RBFOX1: variants seen among roughly 807,000 people sequenced by gnomAD.
The protein encoded by RBFOX1 is RNA binding protein fox-1 homolog 1.
RBFOX1 carries 8 observed loss-of-function variants against 57.7 expected under a neutral mutation model. The ratio of observed to expected loss-of-function variants is 0.14; its 90% CI spans 0.08 to 0.25. The LOEUF (loss-of-function observed/expected upper bound fraction) is 0.25. Ranked by LOEUF, RBFOX1 falls within the 10% of genes least tolerant of loss-of-function variation. The pLI is 1.00. For synonymous variants in RBFOX1, 326 were observed against 222.4 expected, an observed-to-expected ratio of 1.47 and a Z score of -4.15; for missense variants, 611 against 548.5, an observed-to-expected ratio of 1.11 and a Z score of -1.14.
At chr16:6,746,228 C>G (rs1189034382) in intron 3 of RBFOX1, among the ~76,000 whole-genome samples, 2 of 152,128 alleles carry the variant, frequency 1.3e-5, no homozygotes, top group East Asian at 3.9e-4. Flanking sequence ...AATCAAACCC[C>G]AGCAGGCCTT....
chr16:5,851,643 G>A lies in RBFOX1; in HGVS notation c.319-15660G>A, dbSNP rs538128759. On this transcript the variant is annotated intron_variant, in intron 3 of 19. Transcript: ENST00000641259. ...TGGGGAGAGCAGAGATGGCTATGGC[G>A]AAACATAAATTATGTCATCTCTGTG... Among the ~76,000 whole-genome samples, 25 of 152,294 alleles carry A rather than the reference G, an allele frequency of 1.6e-4. No homozygotes were observed. The South Asian group carries it at 4.6e-3, about 28-fold the overall frequency.
chr16:5,872,946 A>G (rs986999720), intron 4 of RBFOX1, among the ~76,000 whole-genome samples: 3 of 151,976 alleles, frequency 2.0e-5, no homozygotes, highest in African/African-American at 7.3e-5. Flanking sequence ...AGGTCAAGAG[A>G]TCCAGACCAT....
At chr16:6,155,175 G>C (rs988726203) in intron 1 of RBFOX1, among the ~76,000 whole-genome samples, 8 of 152,194 alleles carry the variant, frequency 5.3e-5, no homozygotes, top group African/African-American at 1.9e-4. Context: ...GTAGTCCGGA[G>C]TGAGTCCTTC....
At chr16:6,526,500 T>A (rs1376361698) in intron 2 of RBFOX1, among the ~76,000 whole-genome samples, 1 of 152,100 alleles carries the variant, frequency 6.6e-6, no homozygotes, top group Non-Finnish European at 1.5e-5. Context: ...TGAGGCTAGA[T>A]GCTTTATACA....
At chr16:6,453,176 A>G (rs779749533) in intron 2 of RBFOX1, among the ~76,000 whole-genome samples, 3 of 151,996 alleles carry the variant, frequency 2.0e-5, no homozygotes, top group Non-Finnish European at 2.9e-5. Flanking sequence ...AGTTCGTTAC[A>G]TAGGTATACA....
chr16:6,900,815 A>G (rs999924805), intron 3 of RBFOX1, among the ~76,000 whole-genome samples: 12 of 152,076 alleles, frequency 7.9e-5, no homozygotes, highest in Middle Eastern at 6.8e-3. Flanking sequence ...CTAATATTCC[A>G]CTTAACATGT....
intron 3 of RBFOX1, among the ~76,000 whole-genome samples, chr16:5,685,104 A>G (rs1026064149): frequency 1.3e-5 from 2 of 152,284 alleles, no homozygotes; most frequent in South Asian, 2.1e-4. Flanking sequence ...AAAAAAGGAG[A>G]AAAGAAGCAA....
At chr16:7,068,798 A>T (rs1038639289) in intron 4 of RBFOX1, among the ~76,000 whole-genome samples, 5 of 152,176 alleles carry the variant, frequency 3.3e-5, no homozygotes, top group African/African-American at 1.2e-4. Flanking sequence ...CATGTTGGCC[A>T]GGCTGGTCTC....
intron 1 of RBFOX1, among the ~76,000 whole-genome samples, chr16:6,289,686 C>G (rs1327612683): frequency 6.6e-6 from 1 of 151,992 alleles, no homozygotes; most frequent in Non-Finnish European, 1.5e-5. Context: ...ATGCATTGAG[C>G]AATAGGAATT....
At chr16:6,088,912 C>T (rs2096128393) in intron 1 of RBFOX1, among the ~76,000 whole-genome samples, 1 of 151,918 alleles carries the variant, frequency 6.6e-6, no homozygotes, top group African/African-American at 2.4e-5. Flanking sequence ...CTCGCTAACA[C>T]AGTGAAATCC....
At chr16:5,471,031 T>A (rs1340317920) in intron 2 of RBFOX1, among the ~76,000 whole-genome samples, 1 of 152,040 alleles carries the variant, frequency 6.6e-6, no homozygotes, top group Non-Finnish European at 1.5e-5. Context: ...TTTTGTATTT[T>A]TAGTAGAGAC....
intron 3 of RBFOX1, among the ~76,000 whole-genome samples, chr16:5,864,955 A>T (rs1265721914): frequency 6.6e-6 from 1 of 152,224 alleles, no homozygotes; most frequent in Non-Finnish European, 1.5e-5. Context: ...GATCAATGCC[A>T]CAATGGACAG....
intron 2 of RBFOX1, among the ~76,000 whole-genome samples, chr16:6,470,263 T>G (rs2095143856): frequency 6.6e-6 from 1 of 152,182 alleles, no homozygotes; most frequent in East Asian, 1.9e-4. Context: ...CAAGTAACAT[T>G]TGATCCAGGC....
intron 3 of RBFOX1, among the ~76,000 whole-genome samples, chr16:6,892,589 GA>G (rs2065726753): frequency 6.6e-6 from 1 of 152,116 alleles, no homozygotes; most frequent in African/African-American, 2.4e-5. Context: ...AGGATCACTT[GA>G]ACCTGGGAAA....
chr16:5,578,109 A>C (rs1315183750), intron 2 of RBFOX1, among the ~76,000 whole-genome samples: 1 of 151,990 alleles, frequency 6.6e-6, no homozygotes, highest in Non-Finnish European at 1.5e-5. Flanking sequence ...GTGCCACCAC[A>C]CCCAGCTAAT....
intron 2 of RBFOX1, among the ~76,000 whole-genome samples, chr16:6,580,519 C>T (rs1479326222): frequency 6.6e-6 from 1 of 152,172 alleles, no homozygotes; most frequent in East Asian, 1.9e-4. Flanking sequence ...TTATGGTCCT[C>T]TTCATAAACA....
intron 4 of RBFOX1, among the ~76,000 whole-genome samples, chr16:7,338,837 G>C (rs928990586): frequency 6.6e-6 from 1 of 152,176 alleles, no homozygotes; most frequent in African/African-American, 2.4e-5. Context: ...ACAACAGCTT[G>C]TTTGGCTCTG....
At chr16:5,586,038 C>A (rs888222509) in intron 2 of RBFOX1, among the ~76,000 whole-genome samples, 2 of 152,058 alleles carry the variant, frequency 1.3e-5, no homozygotes, top group African/African-American at 4.8e-5. Flanking sequence ...TTAAAAAAGA[C>A]ATAAAGGGAG....
intron 4 of RBFOX1, among the ~76,000 whole-genome samples, chr16:7,441,872 C>T (rs913812678): frequency 2.6e-5 from 4 of 152,178 alleles, no homozygotes; most frequent in Non-Finnish European, 5.9e-5. Context: ...CATTTGCCTC[C>T]GTAGTGCTCT....
Sources: allele counts gnomAD v4.1 joint callset (sites outside exome capture counted in the v4.1 genomes callset), GRCh38; gene constraint gnomAD v4.1.1; transcripts MANE v1.5; gene names NCBI Gene and HGNC (gene_info 2026-07-23, HGNC 2026-07-21).